Variants in TMEM39A observed in about 807,000 individuals in gnomAD.
TMEM39A encodes suppressor of SQST-1 aggregates in rpl-43 mutants.
Under a neutral mutation model 51.9 loss-of-function variants are expected in TMEM39A, and 19 were observed. The ratio of observed to expected loss-of-function variants is 0.37; its 90% CI spans 0.26 to 0.54. The LOEUF is 0.54. TMEM39A is among the 20% of genes least tolerant of loss of function. TMEM39A has a pLI of 0.88. For missense variants in TMEM39A, 433 were observed against 590.5 expected (o/e 0.73, Z 2.76); for synonymous variants, 197 against 220.2 (o/e 0.89, Z 0.93).
chr3:119,459,918 A>C (rs2081316418), intron 2 of TMEM39A, among the ~76,000 whole-genome samples: 1 of 152,156 alleles, frequency 6.6e-6, no homozygotes, highest in Admixed American at 6.5e-5. Flanking sequence ...CCTTCTTTCT[A>C]TATATCCTTC....
Position 119,462,024 on chromosome 3 carries a change from A to T in TMEM39A, c.51T>A (p.Ala17=). 6.2e-7 allele frequency: 1 copy of T among 1,614,216 alleles called. No homozygotes were observed. Among genetic ancestry groups the T allele is most frequent in the African/African-American group, 1.3e-5 (1 of 75,068 alleles). ...CAACCAAAGTCTGCAAAGAAGGTAA[A>T]GCTGAACGGCTTAGCTGTTGCCGAC... ...GPSRQQLSRS[A]LPSLQTLVGG... is the part of the protein sequence containing the mutation. Residue 17 remains alanine, a synonymous_variant, in exon 2 of 9, where the codon GCT becomes GCA. Transcript: ENST00000319172.
chr3:119,431,508 T>C lies in TMEM39A; in HGVS notation c.*473A>G, dbSNP rs1331757810. 1 of 152,576 alleles carries C rather than the reference T, an allele frequency of 6.6e-6. No individual in the cohort carries two copies. Among genetic ancestry groups the C allele is most frequent in the Non-Finnish European group, 1.5e-5 (1 of 68,342 alleles). The allele number at this position is 152,576 out of a possible 1,614,324, so 9.5% of individuals were successfully genotyped here. On this transcript the variant is annotated 3_prime_UTR_variant, in exon 9 of 9. Transcript: ENST00000319172. ...ACAAAGAGAACCCCACCTAGGACTT[T>C]AACCCACTCTTTTCCCAATGTATTC...
intron 2 of TMEM39A, among the ~76,000 whole-genome samples, chr3:119,459,526 A>G (rs990114334): frequency 2.6e-5 from 4 of 152,242 alleles, no homozygotes; most frequent in African/African-American, 4.8e-5. Flanking sequence ...TTCTTCTCAA[A>G]TAAGATTCTC....
At chr3:119,444,481 A>G (rs934735360) in intron 5 of TMEM39A, among the ~76,000 whole-genome samples, 6 of 152,244 alleles carry the variant, frequency 3.9e-5, no homozygotes, top group African/African-American at 1.4e-4. Flanking sequence ...AGTGACTTAA[A>G]TAACTGTTTA....
At chr3:119,442,001 T>G (rs895375457) in intron 5 of TMEM39A, among the ~76,000 whole-genome samples, 16 of 152,242 alleles carry the variant, frequency 1.1e-4, no homozygotes, top group African/African-American at 3.9e-4. Context: ...GTTTACTGAA[T>G]AAGCTCACTG....
intron 8 of TMEM39A, among the ~76,000 whole-genome samples, chr3:119,432,930 T>C (rs755170694): frequency 6.6e-6 from 1 of 152,098 alleles, no homozygotes. Context: ...AAAATAGGGA[T>C]TACTACTATA....
At chr3:119,439,895 G>A (rs2107665706) in intron 5 of TMEM39A, among the ~76,000 whole-genome samples, 2 of 152,112 alleles carry the variant, frequency 1.3e-5, no homozygotes, top group East Asian at 3.9e-4. Context: ...AGCCTCCTAA[G>A]TAGCTAGGAC....
At chr3:119,455,736 G>T (rs1194653779) in intron 3 of TMEM39A, among the ~76,000 whole-genome samples, 1 of 152,150 alleles carries the variant, frequency 6.6e-6, no homozygotes, top group Admixed American at 6.5e-5. Context: ...ACTTTCTAAA[G>T]AACTATAGTC....
intron 1 of TMEM39A, among the ~76,000 whole-genome samples, chr3:119,462,633 A>AGGGGGGGGG (rs1200172060): frequency 5.8e-3 from 13 of 2,256 alleles, no homozygotes; most frequent in South Asian, 0.026. Flanking sequence ...TGTTTCTTCA[A>AGGGGGGGGG]GGGGGGGGGG....
At chr3:119,453,387 G>A (rs1034393246) in intron 3 of TMEM39A, among the ~76,000 whole-genome samples, 1 of 152,174 alleles carries the variant, frequency 6.6e-6, no homozygotes, top group Non-Finnish European at 1.5e-5. Context: ...TTCTACTGTG[G>A]TGTCAGAGGG....
intron 8 of TMEM39A, among the ~76,000 whole-genome samples, chr3:119,432,865 G>T (rs888153740): frequency 6.6e-6 from 1 of 151,992 alleles, no homozygotes; most frequent in Non-Finnish European, 1.5e-5. Flanking sequence ...GAGAAGCAGG[G>T]TGCACAAAGA....
chr3:119,429,036 C>A lies in TMEM39A; in HGVS notation c.*2945G>T, dbSNP rs867880851. Among the ~76,000 whole-genome samples, 1 of 152,046 alleles carries A rather than the reference C, an allele frequency of 6.6e-6. No individual in the cohort carries two copies. Among genetic ancestry groups the A allele is most frequent in the Admixed American group, 6.6e-5 (1 of 15,252 alleles). On this transcript the variant is annotated 3_prime_UTR_variant, in exon 9 of 9. Transcript: ENST00000319172. ...TCTGATATCTATTACGTATCTCATA[C>A]ATATTTCTGTTAATGAACACCCTAG...
chr3:119,450,707 A>G (rs757429939), intron 4 of TMEM39A, among the ~76,000 whole-genome samples: 6 of 151,608 alleles, frequency 4.0e-5, no homozygotes, highest in Non-Finnish European at 8.8e-5. Context: ...CTGCAATCCC[A>G]GCTACTCAGG....
Position 119,435,984 on chromosome 3 carries a change from A to G in TMEM39A, c.1112+807T>C, listed in dbSNP as rs528699669. 1.2e-3 allele frequency: 1,499 copies of G among 1,250,792 alleles called. 1 individual carries two copies. Among genetic ancestry groups the G allele is most frequent in the Non-Finnish European group, 1.4e-3 (1,365 of 956,804 alleles). 77.5% of individuals were successfully genotyped at this position (1,250,792 alleles called of 1,614,324 possible). A position where few individuals can be genotyped will look rare whatever the true frequency, so the allele number is the denominator to read the frequency against. On this transcript the variant is annotated intron_variant, in intron 7 of 8. Transcript: ENST00000319172. ...AATTGAAGGGAGAACTCTCAGGGGG[A>G]GAGGGAAAGGGAAGGTCACCTCAAT...
intron 5 of TMEM39A, among the ~76,000 whole-genome samples, chr3:119,439,872 A>G (rs940700861): frequency 1.3e-5 from 2 of 152,052 alleles, no homozygotes; most frequent in African/African-American, 4.8e-5. Context: ...GGCTCACGCA[A>G]TTCTCCCGCC....
rs546214548 is a variant in TMEM39A, at chr3:119,431,236, C to A, written c.*745G>T. The A allele has an allele frequency of 6.6e-6, 1 of 152,240 alleles. No homozygotes were observed. Among genetic ancestry groups the A allele is most frequent in the South Asian group, 2.1e-4 (1 of 4,832 alleles). 9.4% of individuals were successfully genotyped at this position (152,240 alleles called of 1,614,324 possible). A position where few individuals can be genotyped will look rare whatever the true frequency, so the allele number is the denominator to read the frequency against. On this transcript the variant is annotated 3_prime_UTR_variant, in exon 9 of 9. Transcript: ENST00000319172. The stretch of plus-strand genomic sequence containing the variant: ...TTTGCACTCAGCTTCTCCTACTGAT[C>A]CAGCCACACATCATCTTCTTCATGA...
Position 119,434,825 on chromosome 3 carries a change from T to C in TMEM39A, c.1170A>G (p.Leu390=), listed in dbSNP as rs1246700056. Residue 390 remains leucine (L), a synonymous_variant, in exon 8 of 9, where the codon TTA becomes TTG. Transcript: ENST00000319172. ...CGTTGTAAGGCCCCATGGCTCTATA[T>C]AAACATCTGCTGTGCCGCACCAGCA... The part of the protein sequence containing the change: ...QGVLVRHSRC[L]YRAMGPYNVA... The C allele has an allele frequency of 6.2e-7, 1 of 1,613,782 alleles. No homozygotes were observed. Among genetic ancestry groups the C allele is most frequent in the Admixed American group, 1.7e-5 (1 of 60,002 alleles).
rs547739348 is a variant in TMEM39A, at chr3:119,447,624, A to AT, written c.421-453dup. ...TGTTTTATTTATTTATTTATTTTTA[A>AT]TTTTTTTTTTTCGAGACAAAGTCTC... On this transcript the variant is annotated intron_variant, in intron 4 of 8. Transcript: ENST00000319172. 8.7e-3 allele frequency among the ~76,000 whole-genome samples: 1,298 copies of AT among 148,476 alleles called. 22 individuals are homozygous for AT. The highest frequency in any genetic ancestry group is 0.072 in the South Asian group (338 of 4,708).
chr3:119,443,980 A>G (rs1331112095), intron 5 of TMEM39A, among the ~76,000 whole-genome samples: 1 of 152,214 alleles, frequency 6.6e-6, no homozygotes, highest in Non-Finnish European at 1.5e-5. Flanking sequence ...TGCACTAGGA[A>G]ATCAAAAAAT....
Sources: allele counts gnomAD v4.1 joint callset (sites outside exome capture counted in the v4.1 genomes callset), GRCh38; gene constraint gnomAD v4.1.1; transcripts MANE v1.5; gene names NCBI Gene and HGNC (gene_info 2026-07-23, HGNC 2026-07-21).